Variants in GLYATL1 observed in about 807,000 individuals in gnomAD.
GLYATL1 encodes the protein glycine-N-acyltransferase like 1.
Under a neutral mutation model 20.0 loss-of-function variants are expected in GLYATL1, and 15 were observed. The ratio of observed to expected loss-of-function variants is 0.75; its 90% CI spans 0.50 to 1.15. The LOEUF (loss-of-function observed/expected upper bound fraction) is 1.15, where lower values mean the gene tolerates loss of function less well. Ranked by LOEUF, GLYATL1 falls within the 50% of genes most tolerant of loss-of-function variation. GLYATL1 has a pLI of 0.00. For missense variants in GLYATL1, 380 were observed against 368.5 expected (o/e 1.03, Z -0.26); for synonymous variants, 151 against 131.5 (o/e 1.15, Z -1.01).
At chr11:58,938,402 A>G (rs1855932241), upstream of GLYATL1, among the ~76,000 whole-genome samples, 1 of 152,186 alleles carries the variant, frequency 6.6e-6, no homozygotes, top group South Asian at 2.1e-4. Context: ...AGAATCAGAG[A>G]TCTCTCACAC....
chr11:58,911,190 G>T (rs1407319858), downstream of GLYATL1, among the ~76,000 whole-genome samples: 1 of 152,098 alleles, frequency 6.6e-6, no homozygotes, highest in African/African-American at 2.4e-5. Flanking sequence ...ACATTCCACT[G>T]TGTGAATGTA....
upstream of GLYATL1, among the ~76,000 whole-genome samples, chr11:58,937,735 G>A (rs1437023437): frequency 6.6e-6 from 1 of 152,154 alleles, no homozygotes; most frequent in East Asian, 1.9e-4. Flanking sequence ...GATTCCCTAG[G>A]AAGTTTTCAG....
downstream of GLYATL1, among the ~76,000 whole-genome samples, chr11:58,911,148 A>G (rs184704201): frequency 1.1e-3 from 167 of 152,276 alleles, 1 homozygote; most frequent in Admixed American, 9.2e-3. Context: ...TGTTGCATGC[A>G]TTGATAGGTT....
rs749315568 is a variant in GLYATL1, at chr11:58,943,676, C to T, written c.-43+10C>T. The T allele has an allele frequency of 7.4e-6, 12 of 1,610,862 alleles. No individual in the cohort carries two copies. The highest frequency in any genetic ancestry group is 1.0e-5 in the Non-Finnish European group (12 of 1,178,726). On this transcript the variant is annotated intron_variant, in intron 2 of 6. Coordinates refer to ENST00000532726, the MANE Select transcript of GLYATL1 (RefSeq NM_001389712.2). ...TGGCTGAGGATAATAGGTAAGCTCC[C>T]TCTCGCATTTTGGAGCTTCACACGT...
intron 1 of GLYATL1, among the ~76,000 whole-genome samples, chr11:58,942,995 G>A (rs1321169243): frequency 6.6e-6 from 1 of 152,158 alleles, no homozygotes; most frequent in Non-Finnish European, 1.5e-5. Context: ...ATCCCTGATG[G>A]TTTTAAAAAG....
At chr11:58,911,979 T>G (rs1407793436), downstream of GLYATL1, among the ~76,000 whole-genome samples, 1 of 152,232 alleles carries the variant, frequency 6.6e-6, no homozygotes, top group East Asian at 1.9e-4. Flanking sequence ...ATTTAAGTTT[T>G]TTTTTGTATG....
rs1175208582 is a variant in GLYATL1 at position 58,947,161 on chromosome 11, T to G, written c.74T>G (p.Leu25Arg). The G allele has an allele frequency of 1.2e-6, 2 of 1,613,570 alleles. No individual in the cohort carries two copies. Among genetic ancestry groups the G allele is most frequent in the Non-Finnish European group, 1.7e-6 (2 of 1,179,636 alleles). Residue 25 changes from leucine to arginine, a missense_variant, in exon 3 of 7, where the codon CTG becomes CGG. Leu to Arg is a moderately radical substitution (Grantham distance 102). Coordinates refer to ENST00000532726, the MANE Select transcript of GLYATL1 (RefSeq NM_001389712.2). ...KSLARSIPES[L>R]KVYGSVYHIN... ...TTGGCCAGGAGCATCCCTGAGTCCC[T>G]GAAGGTCAGGGAACAGTGGGAGGTC...
upstream of GLYATL1, among the ~76,000 whole-genome samples, chr11:58,939,247 T>G (rs1855977113): frequency 6.6e-6 from 1 of 152,190 alleles, no homozygotes; most frequent in Non-Finnish European, 1.5e-5. Context: ...TCGCCTGAGT[T>G]CCTGTTTTTC....
At chr11:58,949,559 A>G (rs1167742121) in intron 4 of GLYATL1, among the ~76,000 whole-genome samples, 3 of 152,334 alleles carry the variant, frequency 2.0e-5, no homozygotes, top group Non-Finnish European at 4.4e-5. Flanking sequence ...TATTTTAGCA[A>G]CGTAACTATA....
chr11:58,953,089 C>A (rs1052318587), intron 4 of GLYATL1, among the ~76,000 whole-genome samples: 4 of 152,138 alleles, frequency 2.6e-5, no homozygotes, highest in Non-Finnish European at 4.4e-5. Flanking sequence ...TTATGGAATA[C>A]TACACAGCAA....
intron 4 of GLYATL1, among the ~76,000 whole-genome samples, chr11:58,953,306 C>A (rs1224829102): frequency 2.0e-5 from 3 of 149,980 alleles, no homozygotes; most frequent in Non-Finnish European, 4.4e-5. Flanking sequence ...AATATCTTGC[C>A]TTGGAGTAGT....
In GLYATL1 at chr11:58,956,363, G is replaced by A. The variant is rs1460206347; in HGVS notation, c.*336G>A. 2.0e-5 allele frequency: 5 copies of A among 256,244 alleles called. No individual in the cohort carries two copies. Among genetic ancestry groups the A allele is most frequent in the East Asian group, 7.3e-5 (1 of 13,720 alleles). The allele number at this position is 256,244 out of a possible 1,614,324, so 15.9% of individuals were successfully genotyped here. On this transcript the variant is annotated 3_prime_UTR_variant, in exon 7 of 7. Transcript: ENST00000532726. ...ACTTGGTTAATAGAATCTACTATCT[G>A]GAAGATAAATGAAGGATTTTAATAA...
chr11:58,924,788 C>A (rs1410637351), upstream of GLYATL1, among the ~76,000 whole-genome samples: 2 of 152,126 alleles, frequency 1.3e-5, no homozygotes, highest in African/African-American at 4.8e-5. Context: ...AGTACTGTTG[C>A]TAAGGAACCC....
chr11:58,953,390 G>GTTTTTTTTTTTTTTTTTTTT (rs377318573), intron 4 of GLYATL1, among the ~76,000 whole-genome samples: 1 of 110,972 alleles, frequency 9.0e-6, no homozygotes, highest in African/African-American at 3.4e-5. Context: ...CTTACAGTCT[G>GTTTTTTTTTTTTTTTTTTTT]TTTTTTTTTT....
chr11:58,920,432 T>C (rs957558051), intron 1 of GLYATL1, among the ~76,000 whole-genome samples: 2 of 152,152 alleles, frequency 1.3e-5, no homozygotes, highest in African/African-American at 4.8e-5. Context: ...GAAGTTCCAG[T>C]AGGCAAAAAC....
chr11:58,948,349 C>T (rs1015520467), intron 4 of GLYATL1, among the ~76,000 whole-genome samples: 1 of 152,126 alleles, frequency 6.6e-6, no homozygotes, highest in Admixed American at 6.5e-5. Context: ...AGTAAAATTA[C>T]CTCTCAGGGC....
At chr11:58,914,102 C>A (rs2135100427) in intron 1 of GLYATL1, among the ~76,000 whole-genome samples, 1 of 152,286 alleles carries the variant, frequency 6.6e-6, no homozygotes, top group South Asian at 2.1e-4. Context: ...AGGTTTGGTT[C>A]TGTTACAATC....
Position 58,914,066 on chromosome 11 carries a change from T to C in GLYATL1, n.264+8405T>C, listed in dbSNP as rs549487977. Among the ~76,000 whole-genome samples, 17 of 152,272 alleles carry C rather than the reference T, an allele frequency of 1.1e-4. No homozygotes were observed. In the East Asian group the frequency reaches 3.3e-3, roughly 29 times the overall value. ...CTTCTTTTCCCAACCCTGGCCAGGC[T>C]TAGATGTAGGGGTCAGGGAAACACA... On this transcript the variant is annotated intron_variant and non_coding_transcript_variant, in intron 1 of 2. Coordinates refer to the GLYATL1 transcript ENST00000534674.
intron 1 of GLYATL1, among the ~76,000 whole-genome samples, chr11:58,916,147 T>A (rs960340506): frequency 1.6e-4 from 24 of 152,226 alleles, no homozygotes; most frequent in African/African-American, 5.3e-4. Context: ...TCTTCCAGTC[T>A]TTTTTGGAAT....
Sources: gnomAD v4.1 joint callset for allele counts (sites outside exome capture counted in the v4.1 genomes callset) on GRCh38, gnomAD v4.1.1 for gene constraint, MANE v1.5 for transcripts, NCBI Gene and HGNC (gene_info 2026-07-23, HGNC 2026-07-21) for gene names.